The following MGRN1 variants were observed in gnomAD, a reference collection of about 807,000 sequenced individuals.
MGRN1 encodes E3 ubiquitin-protein ligase MGRN1.
Under a neutral mutation model 69.2 loss-of-function variants are expected in MGRN1, and 29 were observed. That is an observed-to-expected ratio of 0.42 (90% CI 0.31 to 0.57). MGRN1 has a LOEUF of 0.57. Ranked by LOEUF, MGRN1 falls within the 20% of genes least tolerant of loss-of-function variation. MGRN1 has a pLI of 0.15. For missense variants in MGRN1, 998 were observed against 796.2 expected, an observed-to-expected ratio of 1.25 and a Z score of -3.05; for synonymous variants, 470 against 344.2, an observed-to-expected ratio of 1.37 and a Z score of -4.04.
At chr16:4,674,626 C>CTTTTTTTTTTTTTT (rs71139654) in intron 10 of MGRN1, among the ~76,000 whole-genome samples, 16 of 47,278 alleles carry the variant, frequency 3.4e-4, no homozygotes, top group South Asian at 1.1e-3. Flanking sequence ...CTTTTCTTTT[C>CTTTTTTTTTTTTTT]TTTTTTTTTT....
In MGRN1 at chr16:4,673,869, T is replaced by A. The variant is rs183100560; in HGVS notation, c.955+212T>A. Among the ~76,000 whole-genome samples the A allele has an allele frequency of 1.6e-4, 24 of 152,338 alleles. 1 individual carries two copies. In the East Asian group the frequency reaches 4.6e-3, roughly 29 times the overall value. ...GGGACGCTAGCACGGGGCATTCAGA[T>A]CTTCACGTCTGCCTCCAGCCAGGCA... On this transcript the variant is annotated intron_variant, in intron 10 of 16. Transcript: ENST00000262370.
intron 12 of MGRN1, chr16:4,681,220 CACTA>C: frequency 5.5e-6 from 2 of 360,882 alleles, no homozygotes; most frequent in Admixed American, 4.7e-5. Context: ...TCCTGTCTGT[CACTA>C]ACCCTTCACT....
intron 16 of MGRN1, among the ~76,000 whole-genome samples, chr16:4,685,749 T>C (rs1449293756): frequency 6.6e-6 from 1 of 152,256 alleles, no homozygotes; most frequent in Non-Finnish European, 1.5e-5. Flanking sequence ...TGACTGTCTA[T>C]CCGTGTCTGT....
intron 6 of MGRN1, 96 bp from the exon 7 acceptor site, chr16:4,665,006 G>A: frequency 1.4e-6 from 2 of 1,429,228 alleles, no homozygotes; most frequent in Non-Finnish European, 2.0e-6. Context: ...TGCAGGCTGA[G>A]CCCTCGGTGC....
intron 7 of MGRN1, 107 bp from the exon 8 acceptor site, chr16:4,668,158 G>GT: frequency 3.1e-6 from 2 of 652,240 alleles, no homozygotes; most frequent in Non-Finnish European, 5.1e-6. Context: ...TTTTCCAGCT[G>GT]TGGGCATGGA....
At chr16:4,677,026 T>G (rs2079067438) in intron 10 of MGRN1, 1 of 156,374 alleles carries the variant, frequency 6.4e-6, no homozygotes, top group Non-Finnish European at 1.4e-5. Context: ...GGACTGCTGA[T>G]TTGCAGTCAC....
At chr16:4,652,406 C>T (rs1197209563) in intron 3 of MGRN1, among the ~76,000 whole-genome samples, 1 of 152,042 alleles carries the variant, frequency 6.6e-6, no homozygotes, top group Admixed American at 6.6e-5. Flanking sequence ...TCAGCAGGTT[C>T]AGAAACTGCT....
chr16:4,661,340 C>T (rs1402393972), intron 5 of MGRN1, among the ~76,000 whole-genome samples: 1 of 152,180 alleles, frequency 6.6e-6, no homozygotes, highest in Non-Finnish European at 1.5e-5. Flanking sequence ...CCAGGATTGG[C>T]CGCCTTGGCC....
In MGRN1 at chr16:4,683,375, C is replaced by T. The variant is rs189592820; in HGVS notation, c.1528+106C>T. Reference sequence around the variant, plus strand: ...GGTGTTGGGCCAGCACCTCTTCTGCCCCAGGAACCCTCGGCCAAGAGGCCC... The same window carrying T: ...GGTGTTGGGCCAGCACCTCTTCTGCTCCAGGAACCCTCGGCCAAGAGGCCC... On this transcript the variant is annotated intron_variant, in intron 15 of 16. Transcript: ENST00000262370. The T allele has an allele frequency of 1.7e-4, 236 of 1,357,586 alleles. 1 individual carries two copies. The highest frequency in any genetic ancestry group is 8.3e-5 in the Non-Finnish European group (81 of 980,100). 84.1% of individuals were successfully genotyped at this position (1,357,586 alleles called of 1,614,324 possible).
rs751862904 is a variant in MGRN1, at chr16:4,673,530, C to G, written c.828C>G (p.Asn276Lys). 1.9e-6 allele frequency: 3 copies of G among 1,613,646 alleles called. No individual in the cohort carries two copies. Among genetic ancestry groups the G allele is most frequent in the South Asian group, 1.1e-5 (1 of 91,064 alleles). The change falls in exon 10 of 17, where the codon AAC becomes AAG. Residue 276 changes from asparagine to lysine, a missense_variant. Coordinates refer to ENST00000262370, the MANE Select transcript of MGRN1 (RefSeq NM_015246.4). The stretch of plus-strand genomic sequence containing the variant: ...ACGACGAGAACAGCGACAACAGCAA[C>G]GAGTGTGTGGTGTGCCTGTCCGACC... ...PSDDENSDNS[N>K]ECVVCLSDLR...
chr16:4,664,006 G>C, intron 5 of MGRN1: 1 of 152,666 alleles, frequency 6.6e-6, no homozygotes, highest in Non-Finnish European at 1.5e-5. Flanking sequence ...GAGTTGCCCA[G>C]TGACCAGCAC....
At chr16:4,646,920 AG>A (rs769366978) in intron 1 of MGRN1, among the ~76,000 whole-genome samples, 69 of 149,024 alleles carry the variant, frequency 4.6e-4, no homozygotes, top group Non-Finnish European at 9.3e-4. Flanking sequence ...TCGGCCTGGA[AG>A]GCCTGGCAGG....
rs765063248 is a variant in MGRN1, at chr16:4,683,235, A to G, written c.1494A>G (p.Thr498=). ...RESSSPESFI[T]EEVDESSSPQ... is the part of the protein sequence containing the mutation. ...CCTTTGTTTCCTAGAGTTTCATAAC[A>G]GAAGAGGTTGATGAGTCGTCGTCAC... The change falls in exon 15 of 17, where the codon ACA becomes ACG. Residue 498 remains threonine, a synonymous_variant. Coordinates refer to ENST00000262370, the MANE Select transcript of MGRN1 (RefSeq NM_015246.4). 29 of 1,613,720 alleles carry G rather than the reference A, an allele frequency of 1.8e-5. No homozygotes were observed. The highest frequency in any genetic ancestry group is 3.3e-5 in the Admixed American group (2 of 60,000).
intron 10 of MGRN1, 31 bp from the exon 11 acceptor site, chr16:4,677,432 G>C (rs777491153): frequency 1.8e-4 from 264 of 1,504,914 alleles, no homozygotes; most frequent in Non-Finnish European, 2.3e-4. Flanking sequence ...TGTGTCGCCT[G>C]GGCCTGATCT....
intron 1 of MGRN1, among the ~76,000 whole-genome samples, chr16:4,645,779 A>G (rs536031785): frequency 6.6e-6 from 1 of 152,224 alleles, no homozygotes; most frequent in East Asian, 1.9e-4. Flanking sequence ...CTCGGAGGCT[A>G]CTGGGACCTG....
chr16:4,686,458 T>C, intron 16 of MGRN1: 3 of 1,417,336 alleles, frequency 2.1e-6, no homozygotes, highest in Non-Finnish European at 1.8e-6. Flanking sequence ...TCCAGAGCTC[T>C]CCAGTGGCTG....
chr16:4,631,670 C>T (rs889586366), intron 1 of MGRN1, among the ~76,000 whole-genome samples: 1 of 152,204 alleles, frequency 6.6e-6, no homozygotes, highest in African/African-American at 2.4e-5. Flanking sequence ...AGCATAAGTT[C>T]TCCAACTTTG....
At chr16:4,665,362 C>T (rs1375692430) in intron 7 of MGRN1, among the ~76,000 whole-genome samples, 4 of 141,670 alleles carry the variant, frequency 2.8e-5, no homozygotes, top group African/African-American at 7.8e-5. Flanking sequence ...TTAGCATTTC[C>T]TTTTTTTTTT....
At chr16:4,688,082 C>T (rs537507693) in intron 16 of MGRN1, 13 of 985,538 alleles carry the variant, frequency 1.3e-5, no homozygotes, top group East Asian at 1.1e-4. Context: ...CCGCGGCCCC[C>T]GAAGAAAATA....
Sources: allele counts gnomAD v4.1 joint callset (sites outside exome capture counted in the v4.1 genomes callset), GRCh38; gene constraint gnomAD v4.1.1; transcripts MANE v1.5; gene names NCBI Gene and HGNC (gene_info 2026-07-23, HGNC 2026-07-21).